Variants in LRRC37A2 observed in about 807,000 individuals in gnomAD.
LRRC37A2 encodes the protein leucine rich repeat containing 37 member A2, also known as leucine-rich repeat-containing protein 37A2.
A neutral mutation model predicts 68.8 loss-of-function variants in LRRC37A2; 9 were observed. That is an observed-to-expected ratio of 0.13 (90% confidence interval 0.08 to 0.23). The LOEUF (loss-of-function observed/expected upper bound fraction) is 0.23. Ranked by LOEUF, LRRC37A2 falls within the 10% of genes least tolerant of loss-of-function variation. LRRC37A2 has a pLI of 1.00. For synonymous variants in LRRC37A2, 63 were observed against 367.6 expected, an observed-to-expected ratio of 0.17 and a Z score of 9.48; for missense variants, 168 against 950.4, an observed-to-expected ratio of 0.18 and a Z score of 10.82.
chr17:46,458,555 T>A, the LRRC37A2 span, among the ~76,000 whole-genome samples: 16 of 74,902 alleles, frequency 2.1e-4, no homozygotes, highest in South Asian at 3.0e-3. Context: ...TTTTTTTTTT[T>A]TTTGAGATGG....
At chr17:47,048,530 C>CT in the LRRC37A2 span, among the ~76,000 whole-genome samples, 1 of 113,238 alleles carries the variant, frequency 8.8e-6, no homozygotes, top group East Asian at 2.3e-4. Flanking sequence ...TTGAAAAACT[C>CT]TTAACATACA....
chr17:46,755,859 A>G, the LRRC37A2 span: 1 of 1,607,052 alleles, frequency 6.2e-7, no homozygotes, highest in Non-Finnish European at 8.5e-7. Flanking sequence ...GACCAAGGGA[A>G]GTGACCAAGG....
the LRRC37A2 span, among the ~76,000 whole-genome samples, chr17:46,845,740 G>A: frequency 1.3e-5 from 2 of 149,016 alleles, no homozygotes; most frequent in African/African-American, 2.5e-5. Flanking sequence ...CAACCACCTC[G>A]GCCTCCCAAA....
chr17:46,721,438 A>T, the LRRC37A2 span: 1 of 606,058 alleles, frequency 1.7e-6, no homozygotes, highest in Non-Finnish European at 2.9e-6. Flanking sequence ...TCTCTTTCAG[A>T]CTTCCCTCCT....
At chr17:47,000,073 AT>A in the LRRC37A2 span, among the ~76,000 whole-genome samples, 43 of 35,202 alleles carry the variant, frequency 1.2e-3, 7 homozygotes, top group African/African-American at 3.7e-3. Context: ...TTAAAATAAA[AT>A]AAAAAATAAA....
the LRRC37A2 span, among the ~76,000 whole-genome samples, chr17:46,872,251 C>G: frequency 6.6e-6 from 1 of 152,210 alleles, no homozygotes; most frequent in East Asian, 1.9e-4. Context: ...GATGATTTTT[C>G]TAACTGGGCC....
chr17:46,898,577 A>C, the LRRC37A2 span, among the ~76,000 whole-genome samples: 240 of 152,294 alleles, frequency 1.6e-3, 2 homozygotes, highest in African/African-American at 5.7e-3. Flanking sequence ...GGAATGGAGG[A>C]GCATTAGAGA....
chr17:46,940,862 G>T, the LRRC37A2 span: 1 of 1,427,776 alleles, frequency 7.0e-7, no homozygotes, highest in Non-Finnish European at 9.1e-7. Flanking sequence ...CAGGGGCATT[G>T]AGACTGCATG....
the LRRC37A2 span, among the ~76,000 whole-genome samples, chr17:46,829,455 C>A: frequency 6.6e-6 from 1 of 152,246 alleles, no homozygotes; most frequent in South Asian, 2.1e-4. Context: ...CTGTGTAAGG[C>A]ACCACGCCTG....
chr17:46,742,922 A>G, the LRRC37A2 span, among the ~76,000 whole-genome samples: 1 of 152,210 alleles, frequency 6.6e-6, no homozygotes, highest in East Asian at 1.9e-4. Context: ...TCCTATTTCA[A>G]GAATGAAGCC....
At chr17:46,877,742 TGAA>T in the LRRC37A2 span, among the ~76,000 whole-genome samples, 2 of 152,180 alleles carry the variant, frequency 1.3e-5, no homozygotes, top group African/African-American at 4.8e-5. Flanking sequence ...TTCACAATAC[TGAA>T]GAACAGCTGG....
chr17:46,681,234 T>C, the LRRC37A2 span, among the ~76,000 whole-genome samples: 11 of 138,036 alleles, frequency 8.0e-5, no homozygotes, highest in East Asian at 8.2e-4. Flanking sequence ...GGCCCACGCC[T>C]GTAATCCCAG....
the LRRC37A2 span, chr17:46,978,300 A>T: frequency 3.0e-6 from 1 of 328,812 alleles, no homozygotes; most frequent in Non-Finnish European, 5.5e-6. Context: ...GCACCAACGT[A>T]CACACAAAAC....
At chr17:46,845,090 C>G in the LRRC37A2 span, among the ~76,000 whole-genome samples, 1 of 152,174 alleles carries the variant, frequency 6.6e-6, no homozygotes, top group Non-Finnish European at 1.5e-5. Flanking sequence ...CTCAGGTGAT[C>G]CACTCGCCTC....
At chr17:47,008,460 C>T in the LRRC37A2 span, among the ~76,000 whole-genome samples, 1 of 141,238 alleles carries the variant, frequency 7.1e-6, no homozygotes, top group Non-Finnish European at 1.6e-5. Flanking sequence ...TTAATAGATA[C>T]TTATTTTTTT....
chr17:46,794,730 T>TTTTC, the LRRC37A2 span, among the ~76,000 whole-genome samples: 21 of 150,380 alleles, frequency 1.4e-4, no homozygotes, highest in African/African-American at 4.6e-4. Flanking sequence ...CAGGACTTTC[T>TTTTC]TTTCTTTCTT....
chr17:46,713,873 A>G, the LRRC37A2 span: 3 of 1,611,722 alleles, frequency 1.9e-6, no homozygotes, highest in Admixed American at 5.1e-5. Context: ...CAGTGGGAAG[A>G]CTGCTTTAGC....
intron 6 of LRRC37A2, among the ~76,000 whole-genome samples, chr17:46,535,027 C>T (rs529736875): frequency 2.2e-4 from 33 of 149,794 alleles, no homozygotes; most frequent in South Asian, 1.7e-3. Context: ...CGGGCAGAGG[C>T]GCTCCTCACA....
chr17:46,736,248 G>A, the LRRC37A2 span, among the ~76,000 whole-genome samples: 2 of 152,208 alleles, frequency 1.3e-5, no homozygotes, highest in Admixed American at 6.5e-5. Context: ...GAATTGCCAA[G>A]ATCAGTAGGC....
Sources: allele counts gnomAD v4.1 joint callset (sites outside exome capture counted in the v4.1 genomes callset), GRCh38; gene constraint gnomAD v4.1.1; transcripts MANE v1.5; gene names NCBI Gene and HGNC (gene_info 2026-07-23, HGNC 2026-07-21).